COL6A2: variants seen among roughly 807,000 people sequenced by gnomAD.
The protein encoded by COL6A2 is collagen type VI alpha 2 chain.
COL6A2 carries 90 observed loss-of-function variants against 124.9 expected under a neutral mutation model. The observed-to-expected ratio is 0.72, with a 90% confidence interval of 0.61 to 0.86. The LOEUF is 0.86. Among genes scored for constraint, COL6A2 ranks in the 40% least tolerant of loss-of-function variants. The pLI, the probability that COL6A2 is intolerant of heterozygous loss-of-function variation, is 0.00. For synonymous variants in COL6A2, 793 were observed against 618.2 expected (o/e 1.28, Z -4.19); for missense variants, 1,607 against 1,502.5 (o/e 1.07, Z -1.15).
At chr21:46,121,337 TG>T (rs913588162) in intron 17 of COL6A2, among the ~76,000 whole-genome samples, 1 of 152,078 alleles carries the variant, frequency 6.6e-6, no homozygotes, top group African/African-American at 2.4e-5. Flanking sequence ...ACCCAGGTTG[TG>T]GAGTCAGGGG....
At chr21:46,126,270 G>C in intron 26 of COL6A2, 33 bp downstream of exon 26, 2 of 1,594,034 alleles carry the variant, frequency 1.3e-6, no homozygotes, top group South Asian at 2.2e-5. Context: ...GTCGGCCGAG[G>C]AGCAGCAGGC....
At chr21:46,115,132 C>G (rs2078452850) in intron 5 of COL6A2, among the ~76,000 whole-genome samples, 1 of 152,228 alleles carries the variant, frequency 6.6e-6, no homozygotes, top group African/African-American at 2.4e-5. Flanking sequence ...CTTGGCTGCA[C>G]ACAGCAGTGC....
intron 18 of COL6A2, 30 bp from the exon 19 acceptor site, chr21:46,122,078 C>T (rs1258830825): frequency 1.2e-6 from 2 of 1,611,836 alleles, no homozygotes; most frequent in East Asian, 2.2e-5. Flanking sequence ...GTCCTATGAC[C>T]ATGCTGACCG....
chr21:46,127,319 G>A (rs1029453819), intron 27 of COL6A2, among the ~76,000 whole-genome samples: 7 of 152,140 alleles, frequency 4.6e-5, no homozygotes, highest in Admixed American at 1.3e-4. Flanking sequence ...CTCAGCACGC[G>A]GGTCGCGGTG....
intron 1 of COL6A2, among the ~76,000 whole-genome samples, chr21:46,104,572 G>A (rs1460020638): frequency 1.3e-5 from 2 of 152,176 alleles, no homozygotes; most frequent in East Asian, 1.9e-4. Flanking sequence ...CATAAACATT[G>A]TAGGAGCCCC....
chr21:46,118,057 G>A, intron 12 of COL6A2, 121 bp downstream of exon 12: 2 of 932,818 alleles, frequency 2.1e-6, no homozygotes, highest in Non-Finnish European at 3.3e-6. Context: ...GGTCAGTGAG[G>A]AGCCAATGGC....
At chr21:46,115,055 C>T (rs1209970681) in intron 5 of COL6A2, among the ~76,000 whole-genome samples, 1 of 152,282 alleles carries the variant, frequency 6.6e-6, no homozygotes, top group Non-Finnish European at 1.5e-5. Context: ...CCCTCCCTGG[C>T]TTCTCCAGTC....
chr21:46,116,256 G>C lies in COL6A2; in HGVS notation c.901-121G>C, dbSNP rs1283150234. ...GCTCAGCCTCCTCCGCAGACTGTTT[G>C]TCGAGAACACTAGATGCCAGCGGCC... On this transcript the variant is annotated intron_variant, in intron 7 of 27. Coordinates refer to ENST00000300527, the MANE Select transcript of COL6A2 (RefSeq NM_001849.4). This position sits in a 1 kb window ranked among gnomAD's most constrained non-coding sequence, Gnocchi z 4.6. 1 of 1,279,728 alleles carries C rather than the reference G, an allele frequency of 7.8e-7. No individual in the cohort carries two copies. The highest frequency in any genetic ancestry group is 2.5e-5 in the East Asian group (1 of 40,266). 79.3% of individuals were successfully genotyped at this position (1,279,728 alleles called of 1,614,324 possible). A position where few individuals can be genotyped will look rare whatever the true frequency, so the allele number is the denominator to read the frequency against.
In COL6A2 at chr21:46,124,870, T is replaced by C. The variant is rs1486337154; in HGVS notation, c.1735-15T>C. ...CCTTGGCCCCAGAGTCTCAGCCTCA[T>C]CCTTCCTTCCCCAGGGTGAGCCCGG... On this transcript the variant is annotated splice_polypyrimidine_tract_variant and intron_variant, in intron 22 of 27. Transcript: ENST00000300527. 1 of 1,612,746 alleles carries C rather than the reference T, an allele frequency of 6.2e-7. No homozygotes were observed. The highest frequency in any genetic ancestry group is 1.3e-5 in the African/African-American group (1 of 74,996).
At chr21:46,126,436 T>G in intron 26 of COL6A2, 67 bp from the exon 27 acceptor site, 1 of 1,600,956 alleles carries the variant, frequency 6.2e-7, no homozygotes, top group African/African-American at 1.3e-5. Context: ...GGCAGATCAG[T>G]GAACGGCCGC....
chr21:46,117,784 C>A, intron 11 of COL6A2, 90 bp from the exon 12 acceptor site: 1 of 1,367,202 alleles, frequency 7.3e-7, no homozygotes, highest in Non-Finnish European at 1.0e-6. Flanking sequence ...AGGTGCGTCC[C>A]GGGCTGGGAC....
At chr21:46,109,943 A>T (rs1010369911) in intron 1 of COL6A2, among the ~76,000 whole-genome samples, 2 of 152,208 alleles carry the variant, frequency 1.3e-5, no homozygotes, top group African/African-American at 4.8e-5. Context: ...GAAGGCCCAG[A>T]TCCACAGCCA....
Position 46,132,771 on chromosome 21 carries a change from C to T in COL6A2, c.*219C>T, listed in dbSNP as rs1369422401. ...AGGCTGCCCGGCCTCCCTCCCCCTG[C>T]AGCCATCCCAAGGCTCCTGACCTAC... On this transcript the variant is annotated 3_prime_UTR_variant, in exon 28 of 28. Transcript: ENST00000300527. 6.7e-6 allele frequency: 4 copies of T among 594,380 alleles called. No individual in the cohort carries two copies. Among genetic ancestry groups the T allele is most frequent in the Non-Finnish European group, 1.2e-5 (4 of 334,018 alleles). The allele number at this position is 594,380 out of a possible 1,614,324, so 36.8% of individuals were successfully genotyped here.
At chr21:46,120,729 C>A in intron 16 of COL6A2, 152 bp downstream of exon 16, 1 of 789,450 alleles carries the variant, frequency 1.3e-6, no homozygotes, top group Admixed American at 2.9e-5. Context: ...CAGGTGAGGG[C>A]TATACCTCAA....
chr21:46,114,232 C>T (rs973170681), intron 5 of COL6A2, among the ~76,000 whole-genome samples, 159 bp downstream of exon 5: 2 of 152,110 alleles, frequency 1.3e-5, no homozygotes, highest in Admixed American at 1.3e-4. Flanking sequence ...CGAGACCATC[C>T]TGGCTAACAT....
chr21:46,111,877 G>A lies in COL6A2; in HGVS notation c.116-102G>A, dbSNP rs796666705. 1.1e-5 allele frequency: 14 copies of A among 1,267,278 alleles called. No homozygotes were observed. In the South Asian group the frequency reaches 1.6e-4, roughly 14 times the overall value. The allele number at this position is 1,267,278 out of a possible 1,614,324, so 78.5% of individuals were successfully genotyped here. On this transcript the variant is annotated intron_variant, in intron 2 of 27. Transcript: ENST00000300527. ...GGGGGCCGGGGGCTCTGGCATTCGG[G>A]GGCAGTGAGGTCAAACCCACAAACA...
chr21:46,127,294 C>T (rs73908540), intron 27 of COL6A2, among the ~76,000 whole-genome samples: 5 of 152,072 alleles, frequency 3.3e-5, no homozygotes, highest in East Asian at 1.9e-4. Flanking sequence ...GTCTGCGGTA[C>T]GAAGTCAGCG....
intron 27 of COL6A2, chr21:46,128,827 G>A (rs750548104): frequency 2.0e-5 from 25 of 1,226,332 alleles, no homozygotes; most frequent in Non-Finnish European, 3.0e-5. Flanking sequence ...GGCTCTTGAG[G>A]GGTGGCTGGG....
Position 46,132,580 on chromosome 21 carries a change from G to A in COL6A2, c.*28G>A. 3 of 1,563,734 alleles carry A rather than the reference G, an allele frequency of 1.9e-6. No individual in the cohort carries two copies. Among genetic ancestry groups the A allele is most frequent in the South Asian group, 1.1e-5 (1 of 87,078 alleles). On this transcript the variant is annotated 3_prime_UTR_variant, in exon 28 of 28. Coordinates refer to ENST00000300527, the MANE Select transcript of COL6A2 (RefSeq NM_001849.4). Reference sequence around the variant, plus strand: ...CCGCCGCCCGGGCCCCGCAGTCGAGGGTCGTGAGCCCACCCCGTCCATGGT... The same window carrying A: ...CCGCCGCCCGGGCCCCGCAGTCGAGAGTCGTGAGCCCACCCCGTCCATGGT...
Sources: gnomAD v4.1 joint callset for allele counts (sites outside exome capture counted in the v4.1 genomes callset) on GRCh38, gnomAD v4.1.1 for gene constraint, Gnocchi (gnomAD v3.1) non-coding constraint, MANE v1.5 for transcripts, NCBI Gene and HGNC (gene_info 2026-07-23, HGNC 2026-07-21) for gene names.